The following MRM2 variants were observed in gnomAD, a reference collection of about 807,000 sequenced individuals.
MRM2 encodes rRNA methyltransferase 2, mitochondrial.
Under a neutral mutation model 10.9 loss-of-function variants are expected in MRM2, and 15 were observed. The ratio of observed to expected loss-of-function variants is 1.37; its 90% CI spans 0.92 to 2.11. The LOEUF (loss-of-function observed/expected upper bound fraction) is 2.11, where lower values mean the gene tolerates loss of function less well. Among genes scored for constraint, MRM2 ranks in the 30% most tolerant of loss-of-function variants. MRM2 has a pLI of 0.00. For synonymous variants in MRM2, 139 were observed against 128.7 expected (o/e 1.08, Z -0.54); for missense variants, 328 against 321.3 (o/e 1.02, Z -0.16).
At position 2,234,242 on chromosome 7, in the gene MRM2, C is replaced by T. The variant is rs942182534; in HGVS notation, c.*880G>A. 21 of 152,156 alleles carry T rather than the reference C, an allele frequency of 1.4e-4. No individual in the cohort carries two copies. Among genetic ancestry groups the T allele is most frequent in the African/African-American group, 5.1e-4 (21 of 41,436 alleles). The allele number at this position is 152,156 out of a possible 1,614,324, so 9.4% of individuals were successfully genotyped here. ...TATTATTTTATTAAATATAAAGCTG[C>T]GTCAAGTTCCTAGATGAGTAAAAGA... On this transcript the variant is annotated 3_prime_UTR_variant, in exon 3 of 3. Transcript: ENST00000242257.
At position 2,242,204 on chromosome 7, in the gene MRM2, G is replaced by T. The variant is rs571170578; in HGVS notation, c.-35C>A. On this transcript the variant is annotated 5_prime_UTR_variant, in exon 1 of 3. Coordinates refer to ENST00000242257, the MANE Select transcript of MRM2 (RefSeq NM_013393.3). Reference sequence around the variant, plus strand: ...CCGCGCCTGCAGCGCGCCGCCGGAAGTGCCTGGCCTCACTTCCGGTCAGAG... The same window carrying T: ...CCGCGCCTGCAGCGCGCCGCCGGAATTGCCTGGCCTCACTTCCGGTCAGAG... The T allele has an allele frequency of 1.3e-6, 2 of 1,566,850 alleles. No homozygotes were observed. Among genetic ancestry groups the T allele is most frequent in the African/African-American group, 1.4e-5 (1 of 72,180 alleles).
chr7:2,239,302 G>T, intron 2 of MRM2, 116 bp downstream of exon 2: 1 of 1,008,758 alleles, frequency 9.9e-7, no homozygotes, highest in Non-Finnish European at 1.6e-6. Context: ...CCACTCGGAA[G>T]CACACGCCTT....
chr7:2,239,463 C>T lies in MRM2; in HGVS notation c.253G>A (p.Ala85Thr), dbSNP rs1434206098. 7 of 1,613,266 alleles carry T rather than the reference C, an allele frequency of 4.3e-6. No homozygotes were observed. In the African/African-American group the frequency reaches 8.0e-5, roughly 18 times the overall value. ...RVLDCGAAPG[A>T]WSQVAVQKVN... ...TTCTGCACCGCCACCTGACTCCAGG[C>T]CCCAGGAGCTGCCCCACAGTCTAAC... The change falls in exon 2 of 3, where the codon GCC (alanine) becomes ACC (threonine). Residue 85 changes from alanine (A) to threonine (T), a missense_variant. Physicochemically the swap from Ala to Thr is moderately conservative, Grantham distance 58. Coordinates refer to ENST00000242257, the MANE Select transcript of MRM2 (RefSeq NM_013393.3).
At chr7:2,241,931 G>C (rs1419031647) in intron 1 of MRM2, 2 of 466,366 alleles carry the variant, frequency 4.3e-6, no homozygotes, top group South Asian at 3.6e-5. Context: ...CTCCGCCGCC[G>C]GCCCCGGCCT....
At chr7:2,242,096 A>T (rs1478655185) in intron 1 of MRM2, 66 bp downstream of exon 1, 2 of 1,545,244 alleles carry the variant, frequency 1.3e-6, no homozygotes, top group Non-Finnish European at 1.8e-6. Context: ...AGGACCGAGG[A>T]AGGCGACCGG....
intron 2 of MRM2, among the ~76,000 whole-genome samples, chr7:2,236,055 C>A (rs2115040074): frequency 6.6e-6 from 1 of 151,940 alleles, no homozygotes; most frequent in Admixed American, 6.6e-5. Context: ...CATGGGGAAA[C>A]CCCATCTCTA....
At chr7:2,235,918 G>A (rs932190999) in intron 2 of MRM2, among the ~76,000 whole-genome samples, 2 of 152,168 alleles carry the variant, frequency 1.3e-5, no homozygotes, top group Non-Finnish European at 2.9e-5. Flanking sequence ...ATCTCTGAGT[G>A]CTCTTTTTGA....
chr7:2,240,114 C>T (rs903509069), intron 1 of MRM2, among the ~76,000 whole-genome samples: 3 of 152,066 alleles, frequency 2.0e-5, no homozygotes, highest in Non-Finnish European at 4.4e-5. Flanking sequence ...CCCAGCTACT[C>T]GGGAGGCTGA....
At position 2,236,154 on chromosome 7, in the gene MRM2, C is replaced by T. The variant is rs1014979720; in HGVS notation, c.299-590G>A. Among the ~76,000 whole-genome samples the T allele has an allele frequency of 2.6e-5, 4 of 152,156 alleles. No homozygotes were observed. In the East Asian group the frequency reaches 5.8e-4, roughly 22 times the overall value. ...CTAAGATAGGAGAATCGCTTGAACC[C>T]GGGAAGCGGAGGTTGCAGTGAGCCA... On this transcript the variant is annotated intron_variant, in intron 2 of 2. Transcript: ENST00000242257.
In MRM2 at chr7:2,239,160, C is replaced by T. The variant is rs745367092; in HGVS notation, c.298+258G>A. On this transcript the variant is annotated intron_variant, in intron 2 of 2. Transcript: ENST00000242257. ...ATGCACAAGCCTGGAAGGATGCACA[C>T]CACCATGCTGGTGCTGGTACCTGCG... The T allele has an allele frequency of 5.1e-6, 4 of 779,452 alleles. No individual in the cohort carries two copies. The South Asian group carries it at 5.4e-5, about 10-fold the overall frequency. The allele number at this position is 779,452 out of a possible 1,614,324, so 48.3% of individuals were successfully genotyped here.
chr7:2,240,279 C>G (rs1459320021), intron 1 of MRM2: 8 of 455,860 alleles, frequency 1.8e-5, no homozygotes, highest in Non-Finnish European at 3.5e-5. Flanking sequence ...TCTCATCTGG[C>G]AAAAATGTTC....
intron 1 of MRM2, among the ~76,000 whole-genome samples, chr7:2,239,973 G>A (rs1202840141): frequency 1.3e-5 from 2 of 152,168 alleles, no homozygotes; most frequent in African/African-American, 4.8e-5. Context: ...AGCACTTTTG[G>A]AGGCCAAGAC....
At chr7:2,239,292 C>T in intron 2 of MRM2, 126 bp downstream of exon 2, 1 of 935,904 alleles carries the variant, frequency 1.1e-6, no homozygotes, top group Admixed American at 1.7e-5. Flanking sequence ...GCTAAACCAC[C>T]CACTCGGAAG....
At chr7:2,242,105 G>A (rs1794559866) in intron 1 of MRM2, 57 bp downstream of exon 1, 2 of 1,564,930 alleles carry the variant, frequency 1.3e-6, no homozygotes, top group Non-Finnish European at 8.6e-7. Flanking sequence ...GAAGGCGACC[G>A]GGCGGACCCC....
intron 2 of MRM2, chr7:2,238,840 G>T (rs991593958): frequency 1.3e-5 from 2 of 156,080 alleles, no homozygotes; most frequent in African/African-American, 4.8e-5. Context: ...CTACTTGGGA[G>T]GCTGAGGCAG....
Position 2,239,515 on chromosome 7 carries a change from G to T in MRM2, c.201C>A (p.His67Gln), listed in dbSNP as rs748600680. 5.0e-6 allele frequency: 8 copies of T among 1,613,994 alleles called. No homozygotes were observed. Among genetic ancestry groups the T allele is most frequent in the South Asian group, 2.2e-5 (2 of 91,090 alleles). The change falls in exon 2 of 3, where the codon CAC becomes CAA. Residue 67 changes from histidine to glutamine, a missense_variant. His to Gln is a conservative substitution (Grantham distance 24). Coordinates refer to ENST00000242257, the MANE Select transcript of MRM2 (RefSeq NM_013393.3). ...CCCGAAGGCCGGGCCGCAGAATCTG[G>T]TGCCTCTCGTTCACCTCCAGGAGCT... ...AFKLLEVNER[H>Q]QILRPGLRVL... is the part of the protein sequence containing the mutation.
chr7:2,239,686 AAC>A lies in MRM2; in HGVS notation c.28_29del (p.Val10PhefsTer21), dbSNP rs1222532393. On this transcript the variant is annotated frameshift_variant, in exon 2 of 3. Transcript: ENST00000242257. LOFTEE classifies it high-confidence loss of function. MAGYLKLVCVSFQRQGFHTV... is the reference protein window; with the variant it reads MAGYLKLVCXSFQRQGFHTV... Reference sequence around the variant, plus strand: ...TGTGGAACCCTTGACGCTGAAAGGAAACACACACCAGCTTCAAGTACCTGGTG... The same window carrying A: ...TGTGGAACCCTTGACGCTGAAAGGAAACACACCAGCTTCAAGTACCTGGTG... The A allele has an allele frequency of 2.5e-6, 4 of 1,612,306 alleles. No homozygotes were observed.
At position 2,235,174 on chromosome 7, in the gene MRM2, A is replaced by C. The variant is rs541556898; in HGVS notation, c.689T>G (p.Val230Gly). The change falls in exon 3 of 3, where the codon GTG becomes GGG. Residue 230 changes from valine (V) to glycine (G), a missense_variant. Transcript: ENST00000242257. ...GTGGTACTGTGTGGCCAAGAAGTAC[A>C]CTTCTGATGACTCTTTCCTGCTGGC... ...PEASRKESSEVYFLATQYHGR... is the reference protein window; with the variant it reads ...PEASRKESSEGYFLATQYHGR... 9.9e-6 allele frequency: 16 copies of C among 1,614,050 alleles called. No individual in the cohort carries two copies. The highest frequency in any genetic ancestry group is 9.3e-5 in the African/African-American group (7 of 74,998).
At position 2,235,290 on chromosome 7, in the gene MRM2, G is replaced by C; in HGVS notation, c.573C>G (p.Phe191Leu). Residue 191 changes from phenylalanine (F) to leucine (L), a missense_variant, in exon 3 of 3, where the codon TTC (phenylalanine) becomes TTG (leucine). Transcript: ENST00000242257. ...TPDILQPGGT[F>L]LCKTWAGSQS... ...GACTTCCAGCCCAGGTTTTACAAAG[G>C]AATGTCCCCCCAGGTTGCAGGATGT... The C allele has an allele frequency of 6.2e-7, 1 of 1,614,104 alleles. No homozygotes were observed. Among genetic ancestry groups the C allele is most frequent in the Non-Finnish European group, 8.5e-7 (1 of 1,180,012 alleles).
Sources: gnomAD v4.1 joint callset for allele counts (sites outside exome capture counted in the v4.1 genomes callset) on GRCh38, gnomAD v4.1.1 for gene constraint, MANE v1.5 for transcripts, NCBI Gene and HGNC (gene_info 2026-07-23, HGNC 2026-07-21) for gene names.